Variants in SLIT3 observed in about 807,000 individuals in gnomAD.
The protein encoded by SLIT3 is slit guidance ligand 3, also known as slit homolog 3 protein.
In SLIT3, 68 loss-of-function variants were observed where a neutral mutation model predicts 184.0. The ratio of observed to expected loss-of-function variants is 0.37; its 90% CI spans 0.30 to 0.45. The LOEUF (loss-of-function observed/expected upper bound fraction) is 0.45, where lower values mean the gene tolerates loss of function less well. SLIT3 is among the 20% of genes least tolerant of loss of function. The pLI is 1.00. For missense variants in SLIT3, 1,707 were observed against 2,026.0 expected (o/e 0.84, Z 3.02); for synonymous variants, 831 against 828.6 (o/e 1.00, Z -0.05).
At chr5:168,865,460 G>A (rs991450562) in intron 5 of SLIT3, among the ~76,000 whole-genome samples, 1 of 152,124 alleles carries the variant, frequency 6.6e-6, no homozygotes, top group African/African-American at 2.4e-5. Flanking sequence ...AAAATACTAC[G>A]CTAAGTGAAA....
At chr5:168,701,701 C>G (rs574962453) in intron 26 of SLIT3, among the ~76,000 whole-genome samples, 1 of 152,228 alleles carries the variant, frequency 6.6e-6, no homozygotes, top group Admixed American at 6.5e-5. Context: ...GGCATGGAGT[C>G]CCTTACAGGA....
At chr5:168,696,571 CAT>C in intron 27 of SLIT3, 140 bp from the exon 28 acceptor site, 2 of 911,054 alleles carry the variant, frequency 2.2e-6, no homozygotes, top group Non-Finnish European at 3.4e-6. Flanking sequence ...ACTTTGGACA[CAT>C]GAGGCCTTGG....
At chr5:168,908,492 A>T (rs1357107284) in intron 4 of SLIT3, among the ~76,000 whole-genome samples, 1 of 152,184 alleles carries the variant, frequency 6.6e-6, no homozygotes, top group African/African-American at 2.4e-5. Flanking sequence ...AAGAGCCTGA[A>T]TTAATAGTGT....
chr5:169,104,769 A>G (rs778041914), intron 4 of SLIT3, among the ~76,000 whole-genome samples: 8 of 152,190 alleles, frequency 5.3e-5, no homozygotes, highest in Non-Finnish European at 1.0e-4. Flanking sequence ...CAAGGTTGTC[A>G]TACCCCATTC....
At chr5:168,898,427 CTCTCT>C (rs1760760357) in intron 4 of SLIT3, among the ~76,000 whole-genome samples, 1 of 149,746 alleles carries the variant, frequency 6.7e-6, no homozygotes, top group Admixed American at 6.6e-5. Flanking sequence ...GATCCAGCTC[CTCTCT>C]TCTCTTAAAG....
chr5:168,810,266 C>T (rs1342745646), intron 8 of SLIT3, among the ~76,000 whole-genome samples: 5 of 152,146 alleles, frequency 3.3e-5, no homozygotes, highest in Admixed American at 2.6e-4. Context: ...TCTATATCTC[C>T]GATGAAAGCA....
chr5:168,984,064 T>TA (rs35952279), intron 4 of SLIT3, among the ~76,000 whole-genome samples: 3,908 of 124,168 alleles, frequency 0.031, 55 homozygotes, highest in Non-Finnish European at 0.036. Context: ...TATATATATA[T>TA]TTTTTTTAAT....
chr5:168,781,136 G>A (rs1485207397), intron 12 of SLIT3, among the ~76,000 whole-genome samples: 2 of 152,228 alleles, frequency 1.3e-5, no homozygotes, highest in South Asian at 4.1e-4. Flanking sequence ...TGGGCGGCCT[G>A]TCTGAAAAAC....
chr5:168,904,833 G>T (rs1760991961), intron 4 of SLIT3, among the ~76,000 whole-genome samples: 1 of 152,134 alleles, frequency 6.6e-6, no homozygotes, highest in Non-Finnish European at 1.5e-5. Context: ...CATTCCTGGG[G>T]TTTTCTCAAT....
chr5:168,906,051 C>T (rs1761042046), intron 4 of SLIT3, among the ~76,000 whole-genome samples: 1 of 152,112 alleles, frequency 6.6e-6, no homozygotes, highest in African/African-American at 2.4e-5. Context: ...GAATTTCCAC[C>T]CCACATTCCA....
chr5:169,263,970 G>A (rs376405862), intron 1 of SLIT3, among the ~76,000 whole-genome samples: 11 of 141,804 alleles, frequency 7.8e-5, no homozygotes, highest in African/African-American at 2.9e-4. Flanking sequence ...GAGAAACGGG[G>A]TTTTTTTTTT....
At chr5:169,161,549 G>A (rs1047541347) in intron 4 of SLIT3, among the ~76,000 whole-genome samples, 19 of 152,120 alleles carry the variant, frequency 1.2e-4, no homozygotes, top group African/African-American at 4.3e-4. Flanking sequence ...ATAAACCTCG[G>A]TGCCAGAGAT....
rs781126791 is a variant in SLIT3, at chr5:168,762,521, C to T, written c.1610+18G>A. On this transcript the variant is annotated intron_variant, in intron 15 of 35. Coordinates refer to ENST00000519560, the MANE Select transcript of SLIT3 (RefSeq NM_003062.4). ...CGTGTGGGGAGGAGTAGGGAGTTCA[C>T]GCCGAGGTTGGACTTACAGGTCGGT... The T allele has an allele frequency of 2.8e-5, 45 of 1,609,140 alleles. No homozygotes were observed. The highest frequency in any genetic ancestry group is 3.3e-5 in the Non-Finnish European group (39 of 1,176,028).
intron 15 of SLIT3, among the ~76,000 whole-genome samples, chr5:168,762,284 C>T (rs1755182905): frequency 6.6e-6 from 1 of 152,152 alleles, no homozygotes; most frequent in Admixed American, 6.5e-5. Flanking sequence ...ACTGGTGGGC[C>T]TAGCATGATG....
At chr5:168,982,896 GC>G (rs1034600904) in intron 4 of SLIT3, among the ~76,000 whole-genome samples, 1 of 152,128 alleles carries the variant, frequency 6.6e-6, no homozygotes, top group Non-Finnish European at 1.5e-5. Context: ...GTTATTTTAT[GC>G]CGAGGGACTC....
chr5:169,032,144 T>G (rs1757050154), intron 4 of SLIT3, among the ~76,000 whole-genome samples: 1 of 152,194 alleles, frequency 6.6e-6, no homozygotes, highest in African/African-American at 2.4e-5. Flanking sequence ...TTAGGATGCC[T>G]AATTCATGTC....
chr5:169,207,153 C>T (rs138963038), intron 3 of SLIT3, among the ~76,000 whole-genome samples: 153 of 151,988 alleles, frequency 1.0e-3, no homozygotes, highest in African/African-American at 3.5e-3. Flanking sequence ...CCGCTCACCT[C>T]GCTCACTCCC....
intron 16 of SLIT3, among the ~76,000 whole-genome samples, chr5:168,754,821 A>C (rs1219119194): frequency 6.6e-6 from 1 of 152,168 alleles, no homozygotes; most frequent in African/African-American, 2.4e-5. Flanking sequence ...TGTCTTTTCA[A>C]TGCTCTGGGG....
At chr5:168,889,477 C>T (rs1274029601) in intron 4 of SLIT3, among the ~76,000 whole-genome samples, 1 of 152,180 alleles carries the variant, frequency 6.6e-6, no homozygotes, top group Non-Finnish European at 1.5e-5. Flanking sequence ...CCCACTGCTC[C>T]AGTTGTGTTT....
Sources: gnomAD v4.1 joint callset for allele counts (sites outside exome capture counted in the v4.1 genomes callset) on GRCh38, gnomAD v4.1.1 for gene constraint, MANE v1.5 for transcripts, NCBI Gene and HGNC (gene_info 2026-07-23, HGNC 2026-07-21) for gene names.